Variants in GPHN observed in about 807,000 individuals in gnomAD.
The protein encoded by GPHN is gephyrin.
A neutral mutation model predicts 95.5 loss-of-function variants in GPHN; 17 were observed. That is an observed-to-expected ratio of 0.18 (90% CI 0.12 to 0.27). The LOEUF is 0.27. Ranked by LOEUF, GPHN falls within the 10% of genes least tolerant of loss-of-function variation. The pLI is 1.00. For synonymous variants in GPHN, 320 were observed against 322.5 expected (o/e 0.99, Z 0.08); for missense variants, 660 against 978.1 (o/e 0.67, Z 4.34).
At chr14:66,788,240 C>T (rs979883696) in intron 3 of GPHN, among the ~76,000 whole-genome samples, 8 of 152,138 alleles carry the variant, frequency 5.3e-5, no homozygotes, top group South Asian at 2.1e-4. Context: ...ACCCAGGTGG[C>T]GGAAGTTGCA....
chr14:67,086,629 G>C (rs1162014812), intron 11 of GPHN, among the ~76,000 whole-genome samples: 2 of 149,082 alleles, frequency 1.3e-5, no homozygotes, highest in Non-Finnish European at 3.0e-5. Context: ...TCCAGCCTGG[G>C]CGACAGCGAG....
At chr14:66,687,648 C>G (rs2067478208) in intron 2 of GPHN, among the ~76,000 whole-genome samples, 1 of 151,874 alleles carries the variant, frequency 6.6e-6, no homozygotes, top group Non-Finnish European at 1.5e-5. Context: ...TGCCACCATG[C>G]CCGGCTAATT....
At chr14:66,553,402 A>G (rs932911548) in intron 1 of GPHN, among the ~76,000 whole-genome samples, 2 of 152,106 alleles carry the variant, frequency 1.3e-5, no homozygotes, top group Non-Finnish European at 2.9e-5. Context: ...TCACAGTTAC[A>G]TATATTTCAA....
At chr14:66,917,760 GA>G (rs1016169755) in intron 6 of GPHN, among the ~76,000 whole-genome samples, 1 of 152,120 alleles carries the variant, frequency 6.6e-6, no homozygotes, top group African/African-American at 2.4e-5. Context: ...CATCCAGTGA[GA>G]TAACTTTTTG....
At chr14:67,440,099 G>T in the GPHN span, among the ~76,000 whole-genome samples, 1 of 152,178 alleles carries the variant, frequency 6.6e-6, no homozygotes, top group Non-Finnish European at 1.5e-5. Flanking sequence ...GCCTCCCAAA[G>T]TGCTGGGATT....
chr14:66,846,138 T>C (rs185846320), intron 4 of GPHN, among the ~76,000 whole-genome samples: 4 of 152,312 alleles, frequency 2.6e-5, no homozygotes, highest in Admixed American at 1.3e-4. Context: ...TTCTCATTTG[T>C]TAATTCAACA....
chr14:66,938,507 T>G (rs774088941), intron 8 of GPHN, among the ~76,000 whole-genome samples: 1 of 152,190 alleles, frequency 6.6e-6, no homozygotes, highest in Non-Finnish European at 1.5e-5. Context: ...CAAATAAGCC[T>G]TGGCTTAGCA....
chr14:66,684,292 C>G (rs1407445703), intron 2 of GPHN, among the ~76,000 whole-genome samples: 1 of 152,026 alleles, frequency 6.6e-6, no homozygotes, highest in Non-Finnish European at 1.5e-5. Context: ...AAAACCCAGG[C>G]TTATCTAGTC....
the GPHN span, among the ~76,000 whole-genome samples, chr14:67,508,753 CAAAAA>C: frequency 2.1e-5 from 1 of 46,714 alleles, no homozygotes; most frequent in Non-Finnish European, 4.7e-5. Context: ...AACCTTGTCT[CAAAAA>C]AAAAAAAAAA....
intron 2 of GPHN, chr14:66,760,752 A>G (rs2058726339): frequency 6.5e-6 from 3 of 464,824 alleles, no homozygotes; most frequent in Admixed American, 2.6e-5. Context: ...TTTGAAAAAC[A>G]TAGAAATGAA....
chr14:66,698,984 G>C (rs771466242), intron 2 of GPHN, among the ~76,000 whole-genome samples: 8 of 152,114 alleles, frequency 5.3e-5, no homozygotes, highest in Non-Finnish European at 1.2e-4. Flanking sequence ...TTATTGACCC[G>C]TGGTGTAGAT....
chr14:66,813,546 C>G (rs2060843657), intron 3 of GPHN, among the ~76,000 whole-genome samples: 1 of 152,200 alleles, frequency 6.6e-6, no homozygotes, highest in Admixed American at 6.5e-5. Flanking sequence ...GGAACCCCAG[C>G]AGGAGGGGAC....
At chr14:67,728,703 T>TGGGGG in the GPHN span, among the ~76,000 whole-genome samples, 46 of 142,066 alleles carry the variant, frequency 3.2e-4, no homozygotes, top group African/African-American at 5.3e-4. Context: ...GGATATCTTG[T>TGGGGG]GGGGGGGGGG....
At chr14:67,422,783 T>G in the GPHN span, among the ~76,000 whole-genome samples, 1 of 151,786 alleles carries the variant, frequency 6.6e-6, no homozygotes, top group Non-Finnish European at 1.5e-5. Flanking sequence ...CCAGAGTAGA[T>G]GCAATGGCTC....
At chr14:66,708,767 G>T (rs998526897) in intron 2 of GPHN, among the ~76,000 whole-genome samples, 13 of 152,108 alleles carry the variant, frequency 8.5e-5, no homozygotes, top group African/African-American at 3.1e-4. Context: ...TAGTTACATA[G>T]TTTTCACATG....
At chr14:67,163,040 CCA>C (rs1291812165) in intron 19 of GPHN, among the ~76,000 whole-genome samples, 1 of 152,048 alleles carries the variant, frequency 6.6e-6, no homozygotes, top group East Asian at 1.9e-4. Context: ...GCCCAGTGGC[CCA>C]CACCTGTAAT....
chr14:66,909,365 G>A (rs1178329143), intron 5 of GPHN, among the ~76,000 whole-genome samples: 2 of 151,950 alleles, frequency 1.3e-5, no homozygotes, highest in Non-Finnish European at 2.9e-5. Flanking sequence ...GAAAATGATA[G>A]TAGAAAAAAG....
the GPHN span, chr14:67,727,482 T>G: frequency 7.0e-4 from 245 of 349,738 alleles, 4 homozygotes; most frequent in Non-Finnish European, 9.3e-4. Context: ...TTTTGTTTTT[T>G]TTGTTTTTTT....
chr14:67,625,679 T>G, the GPHN span, among the ~76,000 whole-genome samples: 2 of 30,302 alleles, frequency 6.6e-5, no homozygotes, highest in African/African-American at 4.7e-4. Context: ...AAACTCCATC[T>G]CAAAAAAAAA....
Sources: gnomAD v4.1 joint callset for allele counts (sites outside exome capture counted in the v4.1 genomes callset) on GRCh38, gnomAD v4.1.1 for gene constraint, MANE v1.5 for transcripts, NCBI Gene and HGNC (gene_info 2026-07-23, HGNC 2026-07-21) for gene names.